The following EYS variants were observed in gnomAD, a reference collection of about 807,000 sequenced individuals.
EYS encodes the protein EGF-like photoreceptor maintenance factor.
A neutral mutation model predicts 282.1 loss-of-function variants in EYS; 250 were observed. That is an observed-to-expected ratio of 0.89 (90% CI 0.80 to 0.98). The LOEUF (loss-of-function observed/expected upper bound fraction) is 0.98. Among genes scored for constraint, EYS ranks in the 50% least tolerant of loss-of-function variants. The pLI is 0.00. For synonymous variants in EYS, 1,355 were observed against 1,282.9 expected (o/e 1.06, Z -1.20); for missense variants, 4,016 against 3,709.0 (o/e 1.08, Z -2.15).
At chr6:64,134,160 A>C (rs556085039) in intron 31 of EYS, among the ~76,000 whole-genome samples, 1 of 152,102 alleles carries the variant, frequency 6.6e-6, no homozygotes, top group African/African-American at 2.4e-5. Context: ...TTTCCAGTCC[A>C]TGATAAGAGT....
intron 29 of EYS, among the ~76,000 whole-genome samples, chr6:64,361,154 A>C (rs754421978): frequency 2.6e-5 from 4 of 151,744 alleles, no homozygotes; most frequent in Non-Finnish European, 4.4e-5. Flanking sequence ...TGTGCTAAGA[A>C]GTATAAGAAT....
intron 35 of EYS, among the ~76,000 whole-genome samples, chr6:63,909,402 A>G (rs894299873): frequency 6.6e-6 from 1 of 152,224 alleles, no homozygotes. Context: ...GTCTTTGCAA[A>G]TAAAATCTAC....
At chr6:63,832,421 A>G (rs1168236563) in intron 36 of EYS, among the ~76,000 whole-genome samples, 2 of 152,244 alleles carry the variant, frequency 1.3e-5, no homozygotes, top group Non-Finnish European at 2.9e-5. Context: ...AACTACCATC[A>G]GGAATACTAT....
At chr6:64,089,914 T>C (rs1283137288) in intron 31 of EYS, among the ~76,000 whole-genome samples, 1 of 152,086 alleles carries the variant, frequency 6.6e-6, no homozygotes, top group Admixed American at 6.6e-5. Flanking sequence ...AACAATGTTT[T>C]AGAACACCCT....
At chr6:64,297,198 G>T (rs1158354993) in intron 30 of EYS, among the ~76,000 whole-genome samples, 2 of 151,524 alleles carry the variant, frequency 1.3e-5, no homozygotes, top group African/African-American at 4.9e-5. Flanking sequence ...TAATAGAGCT[G>T]ATGATCAGTG....
intron 26 of EYS, among the ~76,000 whole-genome samples, chr6:64,507,366 T>A (rs576344664): frequency 3.6e-4 from 55 of 152,298 alleles, no homozygotes; most frequent in African/African-American, 9.6e-4. Context: ...GAAGTCTTCA[T>A]GGCTCTGTTA....
At chr6:64,900,591 A>G (rs1172835094) in intron 18 of EYS, among the ~76,000 whole-genome samples, 1 of 152,236 alleles carries the variant, frequency 6.6e-6, no homozygotes, top group Non-Finnish European at 1.5e-5. Flanking sequence ...CACACTTTTC[A>G]AAAGAAGACA....
At chr6:64,615,590 G>C (rs898441297) in intron 24 of EYS, among the ~76,000 whole-genome samples, 2 of 152,016 alleles carry the variant, frequency 1.3e-5, no homozygotes, top group African/African-American at 4.8e-5. Flanking sequence ...TACTGCTATA[G>C]CATTGGCATG....
intron 31 of EYS, among the ~76,000 whole-genome samples, chr6:64,096,023 C>T (rs182018606): frequency 6.6e-6 from 1 of 152,256 alleles, no homozygotes; most frequent in East Asian, 1.9e-4. Flanking sequence ...CTTAGTTTGG[C>T]TGGATATGAA....
At chr6:65,212,723 G>A (rs1766204612) in intron 12 of EYS, among the ~76,000 whole-genome samples, 1 of 152,006 alleles carries the variant, frequency 6.6e-6, no homozygotes, top group Admixed American at 6.6e-5. Context: ...AAGGAGAGAT[G>A]CTCTTGAAAA....
At chr6:64,092,858 G>A (rs913506308) in intron 31 of EYS, among the ~76,000 whole-genome samples, 2 of 151,748 alleles carry the variant, frequency 1.3e-5, no homozygotes, top group African/African-American at 4.9e-5. Flanking sequence ...TATTGCCTAG[G>A]TTTTCTTCTA....
intron 31 of EYS, among the ~76,000 whole-genome samples, chr6:64,110,171 CT>C (rs914968626): frequency 2.0e-5 from 3 of 150,230 alleles, no homozygotes; most frequent in Admixed American, 6.6e-5. Context: ...TCTAAAGAAT[CT>C]TTTTTTTTAA....
At chr6:65,504,957 T>C (rs957515865) in intron 2 of EYS, among the ~76,000 whole-genome samples, 8 of 151,832 alleles carry the variant, frequency 5.3e-5, no homozygotes, top group African/African-American at 1.7e-4. Context: ...TCTGCTTCTA[T>C]TTTACTGGAA....
At chr6:64,880,503 A>G (rs1375101869) in intron 19 of EYS, among the ~76,000 whole-genome samples, 1 of 151,042 alleles carries the variant, frequency 6.6e-6, no homozygotes, top group South Asian at 2.1e-4. Context: ...ATCTCTCTCT[A>G]CCTCTCCCTC....
chr6:64,711,940 G>A (rs1284055091), intron 22 of EYS, among the ~76,000 whole-genome samples: 3 of 152,200 alleles, frequency 2.0e-5, no homozygotes, highest in Non-Finnish European at 4.4e-5. Flanking sequence ...GCACAACAGT[G>A]TGGAGAAACA....
At chr6:64,677,150 AT>A (rs2149901273) in intron 22 of EYS, among the ~76,000 whole-genome samples, 1 of 152,298 alleles carries the variant, frequency 6.6e-6, no homozygotes, top group South Asian at 2.1e-4. Flanking sequence ...AATCATAAAT[AT>A]TGAGTATTAG....
chr6:63,958,848 C>A (rs115208979), intron 35 of EYS, among the ~76,000 whole-genome samples: 90 of 152,226 alleles, frequency 5.9e-4, no homozygotes, highest in African/African-American at 2.1e-3. Flanking sequence ...ATAAGTTAAG[C>A]CCACTATTGA....
chr6:65,701,959 G>A (rs560565501), intron 1 of EYS, among the ~76,000 whole-genome samples: 6 of 152,018 alleles, frequency 3.9e-5, no homozygotes, highest in Non-Finnish European at 7.4e-5. Context: ...AGGTAGTATC[G>A]GACATTTAAC....
At chr6:64,080,047 A>G (rs886355911) in intron 32 of EYS, among the ~76,000 whole-genome samples, 1 of 152,234 alleles carries the variant, frequency 6.6e-6, no homozygotes, top group African/African-American at 2.4e-5. Flanking sequence ...ATGTGTCTTT[A>G]TAGCAGCATG....
Sources: gnomAD v4.1 joint callset for allele counts (sites outside exome capture counted in the v4.1 genomes callset) on GRCh38, gnomAD v4.1.1 for gene constraint, MANE v1.5 for transcripts, NCBI Gene and HGNC (gene_info 2026-07-23, HGNC 2026-07-21) for gene names.